The following PCDH15 variants were observed in gnomAD, a reference collection of about 807,000 sequenced individuals.
PCDH15 encodes the protein protocadherin-15.
PCDH15 carries 129 observed loss-of-function variants against 178.5 expected under a neutral mutation model. That is an observed-to-expected ratio of 0.72 (90% CI 0.63 to 0.84). PCDH15 has a LOEUF of 0.84. Ranked by LOEUF, PCDH15 falls within the 40% of genes least tolerant of loss-of-function variation. The pLI, the probability that PCDH15 is intolerant of heterozygous loss-of-function variation, is 0.00. For synonymous variants in PCDH15, 800 were observed against 732.0 expected, an observed-to-expected ratio of 1.09 and a Z score of -1.50; for missense variants, 2,230 against 2,099.9, an observed-to-expected ratio of 1.06 and a Z score of -1.21.
chr10:54,949,973 A>G (rs1008291635), intron 2 of PCDH15, among the ~76,000 whole-genome samples: 3 of 151,968 alleles, frequency 2.0e-5, no homozygotes, highest in Non-Finnish European at 1.5e-5. Context: ...ATTTTCCCAC[A>G]TCTTCATGTC....
chr10:54,561,069 A>T (rs2088075605), intron 2 of PCDH15, among the ~76,000 whole-genome samples: 1 of 152,168 alleles, frequency 6.6e-6, no homozygotes, highest in Admixed American at 6.6e-5. Flanking sequence ...AAGAGTAAGA[A>T]AATATGAGAA....
chr10:55,202,130 G>A (rs192174576), intron 1 of PCDH15, among the ~76,000 whole-genome samples: 7 of 152,146 alleles, frequency 4.6e-5, no homozygotes, highest in African/African-American at 1.2e-4. Flanking sequence ...AATTTTGAAC[G>A]GATGAAAGCT....
intron 21 of PCDH15, among the ~76,000 whole-genome samples, chr10:53,984,991 T>G (rs550870420): frequency 6.6e-6 from 1 of 152,306 alleles, no homozygotes; most frequent in South Asian, 2.1e-4. Context: ...TAGGATTCTA[T>G]TCTCACTATG....
chr10:54,932,085 A>G (rs750438303), intron 2 of PCDH15, among the ~76,000 whole-genome samples: 4 of 152,202 alleles, frequency 2.6e-5, no homozygotes, highest in Non-Finnish European at 5.9e-5. Flanking sequence ...AACACCTAGT[A>G]TTTACTACAG....
At chr10:54,045,331 A>T (rs1007519196) in intron 18 of PCDH15, among the ~76,000 whole-genome samples, 2 of 152,142 alleles carry the variant, frequency 1.3e-5, no homozygotes, top group East Asian at 1.9e-4. Context: ...GAGATGACAT[A>T]GTAAGGGTCC....
chr10:55,280,782 T>G (rs1265950238), intron 1 of PCDH15, among the ~76,000 whole-genome samples: 1 of 152,170 alleles, frequency 6.6e-6, no homozygotes, highest in African/African-American at 2.4e-5. Context: ...AAATTCACAT[T>G]TATAAATTGT....
chr10:54,848,231 A>T (rs1463680121), intron 3 of PCDH15, among the ~76,000 whole-genome samples: 4 of 152,030 alleles, frequency 2.6e-5, no homozygotes, highest in African/African-American at 9.7e-5. Context: ...AAAAATAGAA[A>T]AATTAGCTGG....
At chr10:54,150,097 A>C (rs1040416862) in intron 14 of PCDH15, among the ~76,000 whole-genome samples, 1 of 152,124 alleles carries the variant, frequency 6.6e-6, no homozygotes, top group Admixed American at 6.6e-5. Flanking sequence ...AACTCTTCCA[A>C]GTGTGACTTC....
At chr10:55,472,803 C>G (rs1018676915) in intron 2 of PCDH15, among the ~76,000 whole-genome samples, 4 of 152,122 alleles carry the variant, frequency 2.6e-5, no homozygotes, top group African/African-American at 7.2e-5. Context: ...CTCCTGACCT[C>G]GTGATCCACC....
At chr10:55,124,346 A>G (rs536225665) in intron 2 of PCDH15, among the ~76,000 whole-genome samples, 112 of 152,284 alleles carry the variant, frequency 7.4e-4, no homozygotes, top group Middle Eastern at 3.4e-3. Context: ...CTGGTTATAT[A>G]TGGATAAAAT....
At chr10:55,616,339 C>T (rs1843473691) in intron 2 of PCDH15, among the ~76,000 whole-genome samples, 1 of 152,034 alleles carries the variant, frequency 6.6e-6, no homozygotes, top group South Asian at 2.1e-4. Flanking sequence ...TAGAAAAATA[C>T]TGGCATAAAA....
rs565565941 is a variant in PCDH15 at position 54,147,404 on chromosome 10, G to T, written c.1784+5696C>A. Among the ~76,000 whole-genome samples the T allele has an allele frequency of 2.0e-5, 3 of 151,840 alleles. No individual in the cohort carries two copies. The East Asian group carries it at 5.8e-4, about 29-fold the overall frequency. On this transcript the variant is annotated intron_variant, in intron 14 of 37. Transcript: ENST00000644397. ...AGATGGCACTTTGTTTTCTGGCGTG[G>T]AATACAATTTTACTTAAGTAAAAAA...
chr10:55,491,128 C>T (rs1230587853), intron 2 of PCDH15, among the ~76,000 whole-genome samples: 1 of 151,614 alleles, frequency 6.6e-6, no homozygotes, highest in South Asian at 2.1e-4. Flanking sequence ...TTCCTTTATC[C>T]CTCTCTTTTA....
Position 54,534,284 on chromosome 10 carries a change from T to C in PCDH15, c.92-6407A>G, listed in dbSNP as rs113102568. ...CAGATCTTAGTTATATATGGGATTG[T>C]GAAATATATTGTTATTAAGAATAAA... is the stretch of plus-strand genomic sequence containing the variant. On this transcript the variant is annotated intron_variant, in intron 2 of 37. Coordinates refer to ENST00000644397, the MANE Select transcript of PCDH15 (RefSeq NM_001384140.1). Among the ~76,000 whole-genome samples the C allele has an allele frequency of 1.2e-3, 180 of 152,292 alleles. 1 individual carries two copies. Among genetic ancestry groups the C allele is most frequent in the African/African-American group, 4.2e-3 (175 of 41,560 alleles).
At chr10:53,936,172 G>C (rs1015458780) in intron 25 of PCDH15, among the ~76,000 whole-genome samples, 9 of 152,180 alleles carry the variant, frequency 5.9e-5, no homozygotes, top group African/African-American at 2.2e-4. Context: ...AAAGAGCGTA[G>C]TGGTGAAGCC....
intron 15 of PCDH15, among the ~76,000 whole-genome samples, chr10:54,100,135 A>G (rs906409268): frequency 1.3e-5 from 2 of 152,112 alleles, no homozygotes; most frequent in African/African-American, 2.4e-5. Flanking sequence ...TGGGAGCCCA[A>G]GGCGGGCAGA....
At chr10:55,408,941 AG>A (rs1398661807) in intron 2 of PCDH15, among the ~76,000 whole-genome samples, 1 of 151,924 alleles carries the variant, frequency 6.6e-6, no homozygotes, top group Non-Finnish European at 1.5e-5. Context: ...TCCTTTTAAA[AG>A]TTTTTTTTCT....
At chr10:55,353,476 A>G (rs941610204) in intron 2 of PCDH15, among the ~76,000 whole-genome samples, 2 of 152,142 alleles carry the variant, frequency 1.3e-5, no homozygotes, top group African/African-American at 4.8e-5. Flanking sequence ...CTAGACCAGA[A>G]ATTTGAGAGA....
At chr10:55,511,435 C>T (rs1840884095) in intron 2 of PCDH15, among the ~76,000 whole-genome samples, 1 of 151,916 alleles carries the variant, frequency 6.6e-6, no homozygotes, top group Non-Finnish European at 1.5e-5. Context: ...AATTCTATTT[C>T]CAAAAGTATT....
Sources: gnomAD v4.1 joint callset for allele counts (sites outside exome capture counted in the v4.1 genomes callset) on GRCh38, gnomAD v4.1.1 for gene constraint, MANE v1.5 for transcripts, NCBI Gene and HGNC (gene_info 2026-07-23, HGNC 2026-07-21) for gene names.